INVS: variants seen among roughly 807,000 people sequenced by gnomAD.
The protein encoded by INVS is inversin, also known as inversion of embryo turning homolog.
In INVS, 86 loss-of-function variants were observed where a neutral mutation model predicts 108.8. The ratio of observed to expected loss-of-function variants is 0.79; its 90% CI spans 0.66 to 0.95. The LOEUF (loss-of-function observed/expected upper bound fraction) is 0.95. INVS is among the 40% of genes least tolerant of loss of function. The probability of loss-of-function intolerance (pLI) is 0.00; values close to 1 mark genes in which losing one functional copy is unlikely to be tolerated. For missense variants in INVS, 1,169 were observed against 1,297.4 expected (o/e 0.90, Z 1.52); for synonymous variants, 455 against 473.5 (o/e 0.96, Z 0.51).
chr9:100,250,435 C>T (rs933998991), intron 8 of INVS, among the ~76,000 whole-genome samples: 1 of 152,150 alleles, frequency 6.6e-6, no homozygotes, highest in Admixed American at 6.5e-5. Flanking sequence ...TATAGCACTT[C>T]AGATATTTGA....
At chr9:100,198,833 C>T (rs34696628) in intron 3 of INVS, among the ~76,000 whole-genome samples, 1,649 of 151,988 alleles carry the variant, frequency 0.011, 16 homozygotes, top group African/African-American at 0.016. Context: ...ACTCATGATC[C>T]GCCTGCCTCA....
Position 100,225,709 on chromosome 9 carries a change from A to G in INVS, c.274-353A>G, listed in dbSNP as rs192016698. On this transcript the variant is annotated intron_variant, in intron 3 of 16. Transcript: ENST00000262457. ...AATTTATTCTTGTGAAAAAATTAAG[A>G]AAAAAAATGTGAAAAAAGATGTACA... is the stretch of plus-strand genomic sequence containing the variant. Among the ~76,000 whole-genome samples, 3 of 151,916 alleles carry G rather than the reference A, an allele frequency of 2.0e-5. No individual in the cohort carries two copies. The East Asian group carries it at 5.8e-4, about 29-fold the overall frequency.
chr9:100,215,617 T>C (rs963589736), intron 3 of INVS: 5 of 152,192 alleles, frequency 3.3e-5, no homozygotes, highest in Non-Finnish European at 1.5e-5. Context: ...AACTATTGGC[T>C]CATTGTTAGG....
At chr9:100,258,513 C>T (rs1337146169) in intron 10 of INVS, among the ~76,000 whole-genome samples, 1 of 152,166 alleles carries the variant, frequency 6.6e-6, no homozygotes, top group African/African-American at 2.4e-5. Flanking sequence ...TTCAGCTTTT[C>T]TACTCTGGTT....
rs1445753791 is a variant in INVS at position 100,100,945 on chromosome 9, T to C, written c.-25+1529T>C. On this transcript the variant is annotated intron_variant, in intron 1 of 16. Transcript: ENST00000262457. ...ATATATATAATATATATAATATATATACATATATATTATATATATAATATA... is the reference window on the plus strand; with the variant it reads ...ATATATATAATATATATAATATATACACATATATATTATATATATAATATA... Among the ~76,000 whole-genome samples, 13 of 38,404 alleles carry C rather than the reference T, an allele frequency of 3.4e-4. No homozygotes were observed. In the Admixed American group the frequency reaches 6.8e-3, roughly 20 times the overall value. The allele number at this position is 38,404 out of a possible 152,430, so 25.2% of individuals were successfully genotyped here. A position where few individuals can be genotyped will look rare whatever the true frequency, so the allele number is the denominator to read the frequency against.
intron 7 of INVS, 80 bp downstream of exon 7, chr9:100,242,759 A>G (rs1309202622): frequency 1.2e-6 from 1 of 829,270 alleles, no homozygotes; most frequent in Admixed American, 1.7e-5. Context: ...ATGTAGTTGT[A>G]GGAAATAATA....
chr9:100,167,117 G>C (rs1158369901), intron 3 of INVS, among the ~76,000 whole-genome samples: 1 of 151,938 alleles, frequency 6.6e-6, no homozygotes, highest in Non-Finnish European at 1.5e-5. Flanking sequence ...TGTAGTCCCA[G>C]CTACACCAGA....
rs58458085 is a variant in INVS, at chr9:100,273,527, C to CTT, written c.1784+477_1784+478dup. 2.2e-3 allele frequency among the ~76,000 whole-genome samples: 209 copies of CTT among 96,294 alleles called. 43 individuals are homozygous for CTT. Among genetic ancestry groups the CTT allele is most frequent in the East Asian group, 0.011 (21 of 1,938 alleles). The allele number at this position is 96,294 out of a possible 152,430, so 63.2% of individuals were successfully genotyped here. On this transcript the variant is annotated intron_variant, in intron 12 of 16. Coordinates refer to ENST00000262457, the MANE Select transcript of INVS (RefSeq NM_014425.5). The stretch of plus-strand genomic sequence containing the variant: ...ACTTGGTTTTTTTTTCCACTCAGTT[C>CTT]TTTTTTTTTTTTTTTTTTTTTTTTT...
At chr9:100,143,448 A>C (rs1335449892) in intron 3 of INVS, among the ~76,000 whole-genome samples, 1 of 152,070 alleles carries the variant, frequency 6.6e-6, no homozygotes, top group African/African-American at 2.4e-5. Context: ...ATTGACATTG[A>C]GCAGGGTAAG....
intron 7 of INVS, 79 bp downstream of exon 7, chr9:100,242,758 TAGGAA>T: frequency 1.2e-6 from 1 of 829,238 alleles, no homozygotes; most frequent in Non-Finnish European, 2.1e-6. Flanking sequence ...TATGTAGTTG[TAGGAA>T]ATAATACAAC....
chr9:100,243,382 C>T (rs1471320162), intron 7 of INVS, among the ~76,000 whole-genome samples: 2 of 152,260 alleles, frequency 1.3e-5, no homozygotes, highest in Middle Eastern at 3.4e-3. Flanking sequence ...TGACAAGTGC[C>T]TGCTGTATAC....
chr9:100,294,377 A>G (rs1833726135), intron 14 of INVS, among the ~76,000 whole-genome samples: 1 of 152,194 alleles, frequency 6.6e-6, no homozygotes, highest in African/African-American at 2.4e-5. Context: ...GCCTCCGTTC[A>G]TATCATACCA....
At chr9:100,233,741 GC>G (rs1371192284) in intron 5 of INVS, among the ~76,000 whole-genome samples, 2 of 152,116 alleles carry the variant, frequency 1.3e-5, no homozygotes, top group African/African-American at 4.8e-5. Context: ...TGGTGGATAA[GC>G]TTTTTGATGT....
intron 13 of INVS, among the ~76,000 whole-genome samples, chr9:100,285,348 CTT>C (rs1328697259): frequency 6.6e-6 from 1 of 152,158 alleles, no homozygotes; most frequent in East Asian, 1.9e-4. Context: ...TCTCTGGCTG[CTT>C]TCAAGATCTT....
At chr9:100,129,550 T>C in intron 3 of INVS, 3 of 462,862 alleles carry the variant, frequency 6.5e-6, no homozygotes, top group East Asian at 6.6e-5. Context: ...ATCAGAAAAA[T>C]AAGAAACCAA....
intron 3 of INVS, among the ~76,000 whole-genome samples, chr9:100,207,545 A>G (rs759158853): frequency 9.9e-5 from 15 of 152,176 alleles, no homozygotes; most frequent in Middle Eastern, 3.4e-3. Flanking sequence ...CACCTGCCTC[A>G]TTCTCCCAAA....
At chr9:100,118,667 T>TTTC (rs1564120492) in intron 2 of INVS, among the ~76,000 whole-genome samples, 2 of 151,670 alleles carry the variant, frequency 1.3e-5, no homozygotes, top group African/African-American at 2.4e-5. Context: ...TCCAGCACCA[T>TTTC]TTATTATTAT....
At chr9:100,168,474 C>CT (rs757465057) in intron 3 of INVS, among the ~76,000 whole-genome samples, 76 of 152,192 alleles carry the variant, frequency 5.0e-4, no homozygotes, top group Non-Finnish European at 9.7e-4. Flanking sequence ...GGTAGGTTTG[C>CT]TTCTGTCAGA....
intron 3 of INVS, among the ~76,000 whole-genome samples, chr9:100,188,307 G>C (rs555963032): frequency 2.0e-5 from 3 of 152,154 alleles, no homozygotes; most frequent in African/African-American, 7.2e-5. Flanking sequence ...GATATTGGTT[G>C]TGGGTTTGTC....
Sources: allele counts gnomAD v4.1 joint callset (sites outside exome capture counted in the v4.1 genomes callset), GRCh38; gene constraint gnomAD v4.1.1; transcripts MANE v1.5; gene names NCBI Gene and HGNC (gene_info 2026-07-23, HGNC 2026-07-21).